The following SLAMF7 variants were observed in gnomAD, a reference collection of about 807,000 sequenced individuals.
The protein encoded by SLAMF7 is 19A24 protein.
Under a neutral mutation model 34.1 loss-of-function variants are expected in SLAMF7, and 26 were observed. That is an observed-to-expected ratio of 0.76 (90% confidence interval 0.56 to 1.06). SLAMF7 has a LOEUF of 1.06. Ranked by LOEUF, SLAMF7 falls within the 50% of genes least tolerant of loss-of-function variation. The pLI is 0.00. For missense variants in SLAMF7, 399 were observed against 402.5 expected, an observed-to-expected ratio of 0.99 and a Z score of 0.07; for synonymous variants, 171 against 156.4, an observed-to-expected ratio of 1.09 and a Z score of -0.70.
chr1:160,747,616 T>G (rs1292470072), intron 1 of SLAMF7, among the ~76,000 whole-genome samples: 1 of 152,172 alleles, frequency 6.6e-6, no homozygotes, highest in Admixed American at 6.5e-5. Flanking sequence ...AGACAATCAC[T>G]TGAACCCAGG....
At chr1:160,750,158 C>G in intron 3 of SLAMF7, 65 bp downstream of exon 3, 2 of 1,583,126 alleles carry the variant, frequency 1.3e-6, no homozygotes, top group Non-Finnish European at 1.7e-6. Context: ...CAGCTCCTAG[C>G]CCCCATGGGA....
chr1:160,740,606 A>G (rs1455234099), intron 1 of SLAMF7, among the ~76,000 whole-genome samples: 1 of 152,210 alleles, frequency 6.6e-6, no homozygotes, highest in Non-Finnish European at 1.5e-5. Context: ...TAGTAGCTGT[A>G]TTATTGTAGG....
intron 2 of SLAMF7, among the ~76,000 whole-genome samples, chr1:160,749,205 A>T (rs1482338798): frequency 1.3e-5 from 2 of 152,210 alleles, no homozygotes; most frequent in African/African-American, 4.8e-5. Flanking sequence ...GGAACAGAAG[A>T]TATGTATTCT....
chr1:160,748,569 C>T, intron 2 of SLAMF7, 55 bp downstream of exon 2: 1 of 1,501,336 alleles, frequency 6.7e-7, no homozygotes, highest in Non-Finnish European at 9.1e-7. Context: ...TGGTGAGCTC[C>T]TTGACATGAG....
rs142359613 is a variant in SLAMF7, at chr1:160,747,840, T to A, written c.56-354T>A. ...AGAATAAGATGACTTACTCCCCACA[T>A]CTGTTTACTGGTAATGCTCAGCTGG... On this transcript the variant is annotated intron_variant, in intron 1 of 6. Coordinates refer to ENST00000368043, the MANE Select transcript of SLAMF7 (RefSeq NM_021181.5). 7.0e-4 allele frequency among the ~76,000 whole-genome samples: 106 copies of A among 152,348 alleles called. 1 individual carries two copies. The highest frequency in any genetic ancestry group is 2.8e-3 in the Admixed American group (43 of 15,298).
intron 4 of SLAMF7, 66 bp from the exon 5 acceptor site, chr1:160,751,279 G>A (rs1664551407): frequency 8.5e-7 from 1 of 1,182,434 alleles, no homozygotes; most frequent in African/African-American, 1.5e-5. Flanking sequence ...CAGGAGAAAT[G>A]GTGGGCCAGT....
intron 6 of SLAMF7, among the ~76,000 whole-genome samples, chr1:160,752,705 A>G (rs867569104): frequency 6.6e-6 from 1 of 152,200 alleles, no homozygotes. Flanking sequence ...CAGTTAAACT[A>G]CTAATGCAGT....
chr1:160,743,752 GATC>G (rs1663925697), intron 1 of SLAMF7, among the ~76,000 whole-genome samples: 2 of 152,160 alleles, frequency 1.3e-5, no homozygotes, highest in South Asian at 4.1e-4. Flanking sequence ...GCAGTGGCAC[GATC>G]ACGGCTCACT....
In SLAMF7 at chr1:160,753,759, T is replaced by C. The variant is rs1454994715; in HGVS notation, c.*582T>C. 1 of 152,900 alleles carries C rather than the reference T, an allele frequency of 6.5e-6. No individual in the cohort carries two copies. Among genetic ancestry groups the C allele is most frequent in the Non-Finnish European group, 1.5e-5 (1 of 68,468 alleles). 9.5% of individuals were successfully genotyped at this position (152,900 alleles called of 1,614,324 possible). On this transcript the variant is annotated 3_prime_UTR_variant, in exon 7 of 7. Coordinates refer to ENST00000368043, the MANE Select transcript of SLAMF7 (RefSeq NM_021181.5). ...CTGCCCTCATGAAATTGGCTCCAAA[T>C]GAATGAACTACTTTCATGAGCAGTT...
At chr1:160,751,851 T>C (rs1664626724) in intron 5 of SLAMF7, 1 of 58,184 alleles carries the variant, frequency 1.7e-5, no homozygotes, top group South Asian at 5.6e-4. Context: ...TCTCTCTCTC[T>C]CTCTCTCTCT....
In SLAMF7 at chr1:160,748,293, T is replaced by G. The variant is rs1236039032; in HGVS notation, c.155T>G (p.Val52Gly). The G allele has an allele frequency of 6.2e-7, 1 of 1,614,108 alleles. No homozygotes were observed. The highest frequency in any genetic ancestry group is 8.5e-7 in the Non-Finnish European group (1 of 1,179,980). Reference protein sequence around the residue: ...KSKVKQVDSIVWTFNTTPLVT... With the variant: ...KSKVKQVDSIGWTFNTTPLVT... The stretch of plus-strand genomic sequence containing the variant: ...AAAGTAAAGCAAGTTGACTCTATTG[T>G]CTGGACCTTCAACACAACCCCTCTT... The change falls in exon 2 of 7, where the codon GTC becomes GGC. Residue 52 changes from valine to glycine, a missense_variant. Val to Gly is a moderately radical substitution (Grantham distance 109, BLOSUM62 -3). Coordinates refer to ENST00000368043, the MANE Select transcript of SLAMF7 (RefSeq NM_021181.5).
In SLAMF7 at chr1:160,748,701, G is replaced by A. The variant is rs147757417; in HGVS notation, c.376+187G>A. On this transcript the variant is annotated intron_variant, in intron 2 of 6. Transcript: ENST00000368043. ...TGCCTACTCAGAGATGTTGTAAGAA[G>A]CAGCGTGGTGCAGTGGATGGCTGAT... Among the ~76,000 whole-genome samples the A allele has an allele frequency of 8.0e-4, 122 of 152,330 alleles. 1 individual carries two copies. The highest frequency in any genetic ancestry group is 2.7e-3 in the African/African-American group (112 of 41,584).
chr1:160,745,750 G>A (rs969927257), intron 1 of SLAMF7, among the ~76,000 whole-genome samples: 2 of 152,188 alleles, frequency 1.3e-5, no homozygotes, highest in African/African-American at 2.4e-5. Context: ...CAGTGGACCA[G>A]ATTTAGCCTA....
chr1:160,752,123 C>A, intron 5 of SLAMF7, 63 bp from the exon 6 acceptor site: 2 of 1,331,106 alleles, frequency 1.5e-6, no homozygotes, highest in Non-Finnish European at 1.1e-6. Context: ...GTCTCTCTGG[C>A]CTTGTCTATG....
intron 3 of SLAMF7, 101 bp from the exon 4 acceptor site, chr1:160,750,203 G>C: frequency 6.3e-7 from 1 of 1,577,130 alleles, no homozygotes; most frequent in South Asian, 1.2e-5. Flanking sequence ...GCCGCTGGGT[G>C]GTCACCAGGC....
At chr1:160,739,465 C>A in intron 1 of SLAMF7, 109 bp downstream of exon 1, 2 of 890,254 alleles carry the variant, frequency 2.2e-6, no homozygotes, top group Non-Finnish European at 3.5e-6. Flanking sequence ...GCTCTGTGTT[C>A]TCATCTAACA....
chr1:160,750,930 C>T (rs754056950), intron 4 of SLAMF7: 6 of 239,546 alleles, frequency 2.5e-5, no homozygotes, highest in Non-Finnish European at 4.1e-5. Context: ...TGTCTCTCTC[C>T]AGTTGCACCC....
At chr1:160,748,589 A>C (rs898069213) in intron 2 of SLAMF7, 75 bp downstream of exon 2, 15 of 1,350,570 alleles carry the variant, frequency 1.1e-5, no homozygotes, top group Non-Finnish European at 1.5e-5. Context: ...GAGATGTTTA[A>C]GCAGAGGCTG....
chr1:160,745,419 G>A (rs1236468611), intron 1 of SLAMF7, among the ~76,000 whole-genome samples: 1 of 152,208 alleles, frequency 6.6e-6, no homozygotes, highest in Non-Finnish European at 1.5e-5. Context: ...GAGCCATAGT[G>A]AAAACAGTCC....
Sources: gnomAD v4.1 joint callset for allele counts (sites outside exome capture counted in the v4.1 genomes callset) on GRCh38, gnomAD v4.1.1 for gene constraint, MANE v1.5 for transcripts, NCBI Gene and HGNC (gene_info 2026-07-23, HGNC 2026-07-21) for gene names.